MAML3: variants seen among roughly 807,000 people sequenced by gnomAD.
The protein encoded by MAML3 is mastermind like transcriptional coactivator 3.
Under a neutral mutation model 101.9 loss-of-function variants are expected in MAML3, and 27 were observed. That is an observed-to-expected ratio of 0.27 (90% CI 0.20 to 0.37). The LOEUF (loss-of-function observed/expected upper bound fraction) is 0.37. Among genes scored for constraint, MAML3 ranks in the 10% least tolerant of loss-of-function variants. The pLI is 1.00. For missense variants in MAML3, 1,316 were observed against 1,444.9 expected, an observed-to-expected ratio of 0.91 and a Z score of 1.45; for synonymous variants, 501 against 555.9, an observed-to-expected ratio of 0.90 and a Z score of 1.39.
intron 1 of MAML3, among the ~76,000 whole-genome samples, chr4:140,045,652 G>A (rs916219491): frequency 7.9e-5 from 12 of 151,992 alleles, no homozygotes; most frequent in African/African-American, 2.9e-4. Flanking sequence ...ACTATATAAT[G>A]TTTTCACACT....
intron 2 of MAML3, among the ~76,000 whole-genome samples, chr4:139,856,519 A>G (rs931601778): frequency 2.6e-5 from 4 of 152,238 alleles, no homozygotes; most frequent in African/African-American, 9.6e-5. Flanking sequence ...CAGAGAGTCA[A>G]CTGTCAGTGA....
intron 1 of MAML3, among the ~76,000 whole-genome samples, chr4:139,961,915 A>C (rs1009025507): frequency 1.3e-5 from 2 of 152,074 alleles, no homozygotes; most frequent in African/African-American, 2.4e-5. Flanking sequence ...GGAGTTCAAG[A>C]CCAGCCTGGG....
At chr4:140,141,754 A>G (rs1010881793) in intron 1 of MAML3, among the ~76,000 whole-genome samples, 1 of 152,214 alleles carries the variant, frequency 6.6e-6, no homozygotes, top group Admixed American at 6.5e-5. Flanking sequence ...CTGTGCAAAG[A>G]CCAACACTAG....
At chr4:140,141,458 C>T (rs1255166264) in intron 1 of MAML3, among the ~76,000 whole-genome samples, 1 of 152,176 alleles carries the variant, frequency 6.6e-6, no homozygotes, top group Non-Finnish European at 1.5e-5. Context: ...ATGACCACTC[C>T]AATCTGCACC....
intron 1 of MAML3, among the ~76,000 whole-genome samples, chr4:140,109,499 T>C (rs1410678491): frequency 6.6e-6 from 1 of 152,082 alleles, no homozygotes; most frequent in Non-Finnish European, 1.5e-5. Flanking sequence ...ATTAACACAG[T>C]AGATCAAGGG....
At chr4:139,880,058 A>G (rs1355918276) in intron 2 of MAML3, among the ~76,000 whole-genome samples, 1 of 152,076 alleles carries the variant, frequency 6.6e-6, no homozygotes, top group African/African-American at 2.4e-5. Context: ...CTGTAGTCCC[A>G]GCTACTCAAG....
chr4:139,793,980 A>G (rs1730466824), intron 2 of MAML3: 1 of 152,202 alleles, frequency 6.6e-6, no homozygotes, highest in Admixed American at 6.5e-5. Context: ...AGTAGCCAGA[A>G]CTCATTGTCA....
intron 2 of MAML3, among the ~76,000 whole-genome samples, chr4:139,841,986 C>G (rs1238362124): frequency 6.6e-6 from 1 of 152,184 alleles, no homozygotes; most frequent in Non-Finnish European, 1.5e-5. Context: ...ATTTATTTGT[C>G]CAGGACCAAG....
intron 1 of MAML3, among the ~76,000 whole-genome samples, chr4:140,032,907 A>G (rs1182461435): frequency 1.3e-5 from 2 of 151,284 alleles, no homozygotes; most frequent in African/African-American, 2.4e-5. Context: ...AAAGTGAGAG[A>G]ATGCAACTGG....
intron 2 of MAML3, among the ~76,000 whole-genome samples, chr4:139,736,405 G>A (rs1269764128): frequency 6.6e-6 from 1 of 152,184 alleles, no homozygotes. Context: ...AGCACAGGAT[G>A]AATCGAACAC....
chr4:140,140,596 T>C (rs1728963803), intron 1 of MAML3, among the ~76,000 whole-genome samples: 1 of 152,000 alleles, frequency 6.6e-6, no homozygotes, highest in South Asian at 2.1e-4. Flanking sequence ...TGGGCCCAGC[T>C]AAATGGCAAA....
At chr4:140,064,384 A>G (rs1479516174) in intron 1 of MAML3, among the ~76,000 whole-genome samples, 1 of 152,220 alleles carries the variant, frequency 6.6e-6, no homozygotes, top group Admixed American at 6.5e-5. Context: ...GGACATTCAA[A>G]GCCTTTTGCG....
At chr4:139,799,696 C>T (rs1730571447) in intron 2 of MAML3, among the ~76,000 whole-genome samples, 1 of 152,146 alleles carries the variant, frequency 6.6e-6, no homozygotes, top group Non-Finnish European at 1.5e-5. Context: ...TTATCTTTCC[C>T]CCAAGGTCAA....
chr4:140,002,249 C>A (rs997641736), intron 1 of MAML3, among the ~76,000 whole-genome samples: 7 of 152,216 alleles, frequency 4.6e-5, no homozygotes, highest in Non-Finnish European at 1.5e-5. Flanking sequence ...CATCATTCTA[C>A]TCTCTGCTTC....
intron 1 of MAML3, among the ~76,000 whole-genome samples, chr4:140,008,566 T>G (rs536885825): frequency 6.6e-6 from 1 of 151,554 alleles, no homozygotes; most frequent in Admixed American, 6.6e-5. Flanking sequence ...TGGTAAGAGA[T>G]GAAAAAGCAA....
intron 1 of MAML3, among the ~76,000 whole-genome samples, chr4:140,069,388 AGGAGG>A (rs1727595042): frequency 4.1e-5 from 3 of 72,458 alleles, no homozygotes; most frequent in African/African-American, 1.8e-4. Context: ...AAGAAGAAGG[AGGAGG>A]AGGAGGAGGA....
At chr4:140,066,633 GA>G (rs948009665) in intron 1 of MAML3, among the ~76,000 whole-genome samples, 4 of 151,770 alleles carry the variant, frequency 2.6e-5, no homozygotes, top group African/African-American at 2.4e-5. Context: ...ACAGGAGCAG[GA>G]AAAAAAATCG....
chr4:140,001,964 G>C (rs77691374), intron 1 of MAML3, among the ~76,000 whole-genome samples: 1 of 152,140 alleles, frequency 6.6e-6, no homozygotes, highest in East Asian at 1.9e-4. Context: ...TGTGTTTATG[G>C]TGTGCAACAT....
intron 1 of MAML3, among the ~76,000 whole-genome samples, chr4:140,040,769 C>T (rs1479745429): frequency 5.9e-5 from 9 of 152,050 alleles, no homozygotes; most frequent in African/African-American, 1.9e-4. Context: ...AACTCTTTGC[C>T]GATTTAAATA....
Sources: gnomAD v4.1 joint callset for allele counts (sites outside exome capture counted in the v4.1 genomes callset) on GRCh38, gnomAD v4.1.1 for gene constraint, MANE v1.5 for transcripts, NCBI Gene and HGNC (gene_info 2026-07-23, HGNC 2026-07-21) for gene names.